FSTL4: variants seen among roughly 807,000 people sequenced by gnomAD.
FSTL4 encodes the protein follistatin-related protein 4.
Under a neutral mutation model 78.2 loss-of-function variants are expected in FSTL4, and 28 were observed. The observed-to-expected ratio is 0.36, with a 90% CI of 0.27 to 0.49. FSTL4 has a LOEUF of 0.49. Among genes scored for constraint, FSTL4 ranks in the 20% least tolerant of loss-of-function variants. The pLI is 0.98. For synonymous variants in FSTL4, 422 were observed against 440.5 expected (o/e 0.96, Z 0.53); for missense variants, 922 against 1,084.9 (o/e 0.85, Z 2.11).
chr5:133,835,981 C>A, the FSTL4 span, among the ~76,000 whole-genome samples: 1 of 152,096 alleles, frequency 6.6e-6, no homozygotes. Context: ...GGTAATGATT[C>A]TTGCCTCTAT....
chr5:133,720,526 G>A, the FSTL4 span: 2 of 153,874 alleles, frequency 1.3e-5, no homozygotes, highest in Non-Finnish European at 1.5e-5. Flanking sequence ...TGTAATTAGT[G>A]AACATGTATC....
intron 4 of FSTL4, among the ~76,000 whole-genome samples, chr5:133,359,906 G>C (rs1488054137): frequency 6.6e-6 from 1 of 152,184 alleles, no homozygotes; most frequent in Admixed American, 6.5e-5. Flanking sequence ...GTGTGGAAAG[G>C]CCTCTACCTG....
chr5:133,741,163 G>A, the FSTL4 span, among the ~76,000 whole-genome samples: 9,047 of 152,234 alleles, frequency 0.059, 914 homozygotes, highest in African/African-American at 0.21. Flanking sequence ...CGCCTATGCC[G>A]ATGACACAAT....
chr5:133,629,581 G>C, the FSTL4 span, among the ~76,000 whole-genome samples: 1 of 152,134 alleles, frequency 6.6e-6, no homozygotes, highest in Non-Finnish European at 1.5e-5. Flanking sequence ...AGAGGAGCTG[G>C]TACCATTCCT....
At chr5:133,695,450 C>G in the FSTL4 span, among the ~76,000 whole-genome samples, 1 of 152,164 alleles carries the variant, frequency 6.6e-6, no homozygotes, top group African/African-American at 2.4e-5. Context: ...CAAGCAGAAC[C>G]TTTATTCCCC....
chr5:133,554,491 C>T (rs1034963197), intron 3 of FSTL4, among the ~76,000 whole-genome samples: 2 of 152,240 alleles, frequency 1.3e-5, no homozygotes, highest in Non-Finnish European at 2.9e-5. Flanking sequence ...CTCCCTCTCC[C>T]AGGACTCTCC....
intron 4 of FSTL4, among the ~76,000 whole-genome samples, chr5:133,377,755 C>T (rs1263594285): frequency 6.6e-6 from 1 of 152,064 alleles, no homozygotes; most frequent in African/African-American, 2.4e-5. Flanking sequence ...TGGCTAAAAA[C>T]TTCCTAAATT....
the FSTL4 span, among the ~76,000 whole-genome samples, chr5:133,779,956 G>A: frequency 6.6e-6 from 1 of 152,194 alleles, no homozygotes; most frequent in East Asian, 1.9e-4. Flanking sequence ...GGAGGCCAAG[G>A]AGGTGAGCAC....
chr5:133,721,735 T>C, the FSTL4 span, among the ~76,000 whole-genome samples: 1 of 152,226 alleles, frequency 6.6e-6, no homozygotes, highest in Admixed American at 6.5e-5. Flanking sequence ...CTTTTGACAA[T>C]TTGATTTTGT....
intron 6 of FSTL4, among the ~76,000 whole-genome samples, chr5:133,262,336 C>A (rs1752550868): frequency 6.6e-6 from 1 of 152,210 alleles, no homozygotes; most frequent in Non-Finnish European, 1.5e-5. Flanking sequence ...ATTCTGTCTG[C>A]TTTACACAGG....
the FSTL4 span, among the ~76,000 whole-genome samples, chr5:133,716,622 A>G: frequency 6.6e-6 from 1 of 152,276 alleles, no homozygotes. Flanking sequence ...CTGTGGTATA[A>G]CTTATTTTAT....
At chr5:133,313,069 G>A (rs1753824800) in intron 5 of FSTL4, among the ~76,000 whole-genome samples, 1 of 152,214 alleles carries the variant, frequency 6.6e-6, no homozygotes, top group African/African-American at 2.4e-5. Context: ...GACAGTCTAA[G>A]ATGGGAATCC....
the FSTL4 span, among the ~76,000 whole-genome samples, chr5:133,632,991 C>T: frequency 2.0e-5 from 3 of 152,176 alleles, no homozygotes; most frequent in African/African-American, 7.2e-5. Flanking sequence ...CCTGCCCAGC[C>T]TCCACAGTTT....
the FSTL4 span, among the ~76,000 whole-genome samples, chr5:133,813,194 T>C: frequency 6.6e-6 from 1 of 152,194 alleles, no homozygotes; most frequent in Non-Finnish European, 1.5e-5. Flanking sequence ...GTATGTAGCT[T>C]GGAATTGTCC....
intron 3 of FSTL4, among the ~76,000 whole-genome samples, chr5:133,475,272 T>C (rs1757906208): frequency 6.6e-6 from 1 of 152,196 alleles, no homozygotes; most frequent in Non-Finnish European, 1.5e-5. Context: ...CACACCAAAA[T>C]GTCATTTATA....
At chr5:133,474,955 G>A (rs1757899543) in intron 3 of FSTL4, among the ~76,000 whole-genome samples, 1 of 152,174 alleles carries the variant, frequency 6.6e-6, no homozygotes, top group South Asian at 2.1e-4. Flanking sequence ...AAGTCATTCC[G>A]TGGCCCCGAA....
At chr5:133,670,737 A>G in the FSTL4 span, among the ~76,000 whole-genome samples, 1 of 152,256 alleles carries the variant, frequency 6.6e-6, no homozygotes, top group Non-Finnish European at 1.5e-5. Context: ...TGTAGATTTT[A>G]TAAGATCCTG....
chr5:133,298,164 C>T (rs1420755285), intron 6 of FSTL4, among the ~76,000 whole-genome samples: 8 of 152,292 alleles, frequency 5.3e-5, no homozygotes, highest in East Asian at 3.9e-4. Context: ...AAGGGGATAA[C>T]GATAGTTCCT....
chr5:133,782,664 C>T, the FSTL4 span, among the ~76,000 whole-genome samples: 2,087 of 152,294 alleles, frequency 0.014, 55 homozygotes, highest in African/African-American at 0.049. Flanking sequence ...AGCCATCATC[C>T]GTCAAACTCT....
Sources: gnomAD v4.1 joint callset for allele counts (sites outside exome capture counted in the v4.1 genomes callset) on GRCh38, gnomAD v4.1.1 for gene constraint, MANE v1.5 for transcripts, NCBI Gene and HGNC (gene_info 2026-07-23, HGNC 2026-07-21) for gene names.